The following PDE12 variants were observed in gnomAD, a reference collection of about 807,000 sequenced individuals.
The protein encoded by PDE12 is 2',5'-phosphodiesterase 12.
PDE12 carries 26 observed loss-of-function variants against 45.4 expected under a neutral mutation model. That is an observed-to-expected ratio of 0.57 (90% CI 0.42 to 0.79). The LOEUF (loss-of-function observed/expected upper bound fraction) is 0.79. Among genes scored for constraint, PDE12 ranks in the 30% least tolerant of loss-of-function variants. PDE12 has a pLI of 0.00. For synonymous variants in PDE12, 283 were observed against 323.9 expected (o/e 0.87, Z 1.36); for missense variants, 668 against 790.0 (o/e 0.85, Z 1.85).
chr3:57,653,227 T>G, the PDE12 span, among the ~76,000 whole-genome samples: 6 of 152,186 alleles, frequency 3.9e-5, no homozygotes, highest in Admixed American at 3.9e-4. Context: ...CAACTGACTT[T>G]AATAGTGGGA....
rs1011862117 is a variant in PDE12, at chr3:57,564,644, C to G, written c.*4640C>G. Reference sequence around the variant, plus strand: ...GGATAGGCTTTATTTAGTTGGCTTTCTTATACTGGATAATATAAACACTTT... The same window carrying G: ...GGATAGGCTTTATTTAGTTGGCTTTGTTATACTGGATAATATAAACACTTT... On this transcript the variant is annotated 3_prime_UTR_variant, in exon 3 of 3. Transcript: ENST00000311180. 1 of 151,942 alleles carries G rather than the reference C, an allele frequency of 6.6e-6. No homozygotes were observed. The highest frequency in any genetic ancestry group is 6.6e-5 in the Admixed American group (1 of 15,228). The allele number at this position is 151,942 out of a possible 1,614,324, so 9.4% of individuals were successfully genotyped here.
the PDE12 span, chr3:57,645,705 A>C: frequency 6.2e-7 from 1 of 1,613,514 alleles, no homozygotes; most frequent in African/African-American, 1.3e-5. Flanking sequence ...CACTATCATG[A>C]ATAGTGAAAT....
the PDE12 span, among the ~76,000 whole-genome samples, chr3:57,603,996 C>T: frequency 1.7e-4 from 25 of 151,102 alleles, no homozygotes; most frequent in Admixed American, 1.6e-3. Context: ...ACGACCTCAG[C>T]TTACTGCAGC....
At chr3:57,619,280 G>A in the PDE12 span, among the ~76,000 whole-genome samples, 124 of 152,128 alleles carry the variant, frequency 8.2e-4, 1 homozygote, top group African/African-American at 2.7e-3. Context: ...CCCAGGAGGC[G>A]GAGGTTGCAG....
chr3:57,614,681 C>T, the PDE12 span, among the ~76,000 whole-genome samples: 1 of 150,740 alleles, frequency 6.6e-6, no homozygotes, highest in Non-Finnish European at 1.5e-5. Flanking sequence ...GTAGCTGAGA[C>T]TTACAGGCGC....
At chr3:57,585,513 G>A in the PDE12 span, among the ~76,000 whole-genome samples, 1 of 152,168 alleles carries the variant, frequency 6.6e-6, no homozygotes, top group Middle Eastern at 3.4e-3. Context: ...ATTACCTAAT[G>A]TAAACAACGA....
At chr3:57,572,071 T>C in the PDE12 span, 1 of 644,374 alleles carries the variant, frequency 1.6e-6, no homozygotes, top group South Asian at 2.0e-5. Flanking sequence ...CGGTAAACAA[T>C]AATTGGCAAC....
chr3:57,583,000 G>C, the PDE12 span, among the ~76,000 whole-genome samples: 1 of 152,198 alleles, frequency 6.6e-6, no homozygotes, highest in Non-Finnish European at 1.5e-5. Flanking sequence ...CTTGAGGGCA[G>C]CTGCTATTGC....
chr3:57,655,437 T>C, the PDE12 span, among the ~76,000 whole-genome samples: 2 of 152,172 alleles, frequency 1.3e-5, no homozygotes, highest in African/African-American at 2.4e-5. Flanking sequence ...AAGGTGTTAG[T>C]GATGGGGGTA....
the PDE12 span, among the ~76,000 whole-genome samples, chr3:57,585,141 A>G: frequency 6.6e-6 from 1 of 152,130 alleles, no homozygotes; most frequent in African/African-American, 2.4e-5. Context: ...TGGGATTACA[A>G]GCGTGAGCCA....
At chr3:57,573,063 G>A in the PDE12 span, among the ~76,000 whole-genome samples, 1,413 of 151,968 alleles carry the variant, frequency 9.3e-3, 25 homozygotes, top group African/African-American at 0.032. Flanking sequence ...TTAGCCGGGC[G>A]TGGTGGTGGG....
chr3:57,619,990 G>A, the PDE12 span, among the ~76,000 whole-genome samples: 1 of 152,232 alleles, frequency 6.6e-6, no homozygotes. Context: ...TTGGGAGGCT[G>A]AGGCAGATGG....
the PDE12 span, among the ~76,000 whole-genome samples, chr3:57,643,344 CAT>C: frequency 6.6e-6 from 1 of 152,108 alleles, no homozygotes; most frequent in Non-Finnish European, 1.5e-5. Context: ...TCAGTTTGCA[CAT>C]GTTTAGTTTC....
At chr3:57,590,743 A>G in the PDE12 span, among the ~76,000 whole-genome samples, 1 of 152,150 alleles carries the variant, frequency 6.6e-6, no homozygotes, top group African/African-American at 2.4e-5. Flanking sequence ...CAGTGGTGCA[A>G]ACATGGCTCA....
Position 57,559,582 on chromosome 3 carries a change from C to A in PDE12, c.1408C>A (p.Gln470Lys), listed in dbSNP as rs1473177735. Residue 470 changes from glutamine to lysine, a missense_variant, in exon 3 of 3, where the codon CAA becomes AAA. Transcript: ENST00000311180. ...HPKGGYIRLI[Q>K]MAVALAHIRH... ...CATAGGTGGGTATATTCGCCTCATT[C>A]AAATGGCAGTAGCCTTGGCTCACAT... 1 of 1,607,166 alleles carries A rather than the reference C, an allele frequency of 6.2e-7. No homozygotes were observed. Among genetic ancestry groups the A allele is most frequent in the South Asian group, 1.1e-5 (1 of 90,590 alleles).
chr3:57,607,704 C>T, the PDE12 span, among the ~76,000 whole-genome samples: 1 of 152,086 alleles, frequency 6.6e-6, no homozygotes, highest in South Asian at 2.1e-4. Context: ...AAATAAATGA[C>T]AAAGCCTCGA....
chr3:57,641,369 G>A, the PDE12 span, among the ~76,000 whole-genome samples: 22 of 142,340 alleles, frequency 1.5e-4, no homozygotes, highest in African/African-American at 5.1e-4. Context: ...TATATATAAA[G>A]CTAACATTTT....
the PDE12 span, among the ~76,000 whole-genome samples, chr3:57,621,424 C>T: frequency 6.6e-6 from 1 of 152,142 alleles, no homozygotes; most frequent in African/African-American, 2.4e-5. Flanking sequence ...AATCCCAGCA[C>T]TTTGAGAGGC....
At chr3:57,604,225 T>C in the PDE12 span, among the ~76,000 whole-genome samples, 1 of 151,980 alleles carries the variant, frequency 6.6e-6, no homozygotes, top group East Asian at 1.9e-4. Flanking sequence ...CCAGCAGAAA[T>C]TTTTTTTAAT....
Sources: gnomAD v4.1 joint callset for allele counts (sites outside exome capture counted in the v4.1 genomes callset) on GRCh38, gnomAD v4.1.1 for gene constraint, MANE v1.5 for transcripts, NCBI Gene and HGNC (gene_info 2026-07-23, HGNC 2026-07-21) for gene names.